The following FADD variants were observed in gnomAD, a reference collection of about 807,000 sequenced individuals.
FADD encodes FAS-associated death domain protein.
A neutral mutation model predicts 5.8 loss-of-function variants in FADD; 3 were observed. The observed-to-expected ratio is 0.52, with a 90% confidence interval of 0.24 to 1.34. The LOEUF (loss-of-function observed/expected upper bound fraction) is 1.34, where lower values mean the gene tolerates loss of function less well. Among genes scored for constraint, FADD ranks in the 40% most tolerant of loss-of-function variants. FADD has a pLI of 0.17. For synonymous variants in FADD, 138 were observed against 130.8 expected (o/e 1.06, Z -0.38); for missense variants, 249 against 286.7 (o/e 0.87, Z 0.95).
Position 70,203,568 on chromosome 11 carries a change from G to A in FADD, c.109G>A (p.Glu37Lys), listed in dbSNP as rs910472466. The change falls in exon 1 of 2, where the codon GAG becomes AAG. Residue 37 changes from glutamate to lysine, a missense_variant. By Grantham distance (56) the Glu-to-Lys change is moderately conservative. Transcript: ENST00000301838. ...CLGRVGKRKL[E>K]RVQSGLDLFS... ...CGGGCGCGTGGGCAAGCGCAAGCTG[G>A]AGCGCGTGCAGAGCGGCCTAGACCT... 1.2e-5 allele frequency: 20 copies of A among 1,612,460 alleles called. No homozygotes were observed. In the Admixed American group the frequency reaches 3.3e-4, roughly 27 times the overall value.
Position 70,203,331 on chromosome 11 carries a change from G to A in FADD, c.-129G>A, listed in dbSNP as rs546440790. ...ATTTCCTGTAGTGAATCAGGCACCG[G>A]AGTGCAGGTTCGGGGGTGGAATCCT... On this transcript the variant is annotated 5_prime_UTR_variant, in exon 1 of 2. Transcript: ENST00000301838. 6.3e-5 allele frequency: 94 copies of A among 1,481,514 alleles called. No homozygotes were observed. The highest frequency in any genetic ancestry group is 6.3e-4 in the Admixed American group (26 of 41,460). 91.8% of individuals were successfully genotyped at this position (1,481,514 alleles called of 1,614,324 possible).
chr11:70,206,952 G>A lies in FADD; in HGVS notation c.*479G>A, dbSNP rs190056190. On this transcript the variant is annotated 3_prime_UTR_variant, in exon 2 of 2. Transcript: ENST00000301838. ...TGCTGCCCCTGCAGTTGGCAGAAAG[G>A]ATGTTTTGTCCCATTTCCTTGGAGG... The A allele has an allele frequency of 1.5e-3, 281 of 192,626 alleles. No homozygotes were observed. The highest frequency in any genetic ancestry group is 2.7e-3 in the Admixed American group (51 of 18,778). 11.9% of individuals were successfully genotyped at this position (192,626 alleles called of 1,614,324 possible).
chr11:70,203,456 C>G lies in FADD; in HGVS notation c.-4C>G, dbSNP rs776761460. Reference sequence around the variant, plus strand: ...CGCAGCCCCGGCCGCTTGCAGACCCCGCCATGGACCCGTTCCTGGTGCTGC... The same window carrying G: ...CGCAGCCCCGGCCGCTTGCAGACCCGGCCATGGACCCGTTCCTGGTGCTGC... On this transcript the variant is annotated 5_prime_UTR_variant, in exon 1 of 2. Transcript: ENST00000301838. The G allele has an allele frequency of 1.3e-6, 2 of 1,570,620 alleles. No homozygotes were observed. Among genetic ancestry groups the G allele is most frequent in the Non-Finnish European group, 1.7e-6 (2 of 1,158,282 alleles).
rs1241152312 is a variant in FADD, at chr11:70,203,481, C to T, written c.22C>T (p.Leu8=). Residue 8 remains leucine, a synonymous_variant, in exon 1 of 2, where the codon CTG becomes TTG. Transcript: ENST00000301838. ...CGCCATGGACCCGTTCCTGGTGCTGCTGCACTCGGTGTCGTCCAGCCTGTC... is the reference window on the plus strand; with the variant it reads ...CGCCATGGACCCGTTCCTGGTGCTGTTGCACTCGGTGTCGTCCAGCCTGTC... MDPFLVL[L]HSVSSSLSSS... is the part of the protein sequence containing the mutation. 14 of 1,592,298 alleles carry T rather than the reference C, an allele frequency of 8.8e-6. No individual in the cohort carries two copies. In the East Asian group the frequency reaches 3.2e-4, roughly 36 times the overall value.
chr11:70,206,152 C>G lies in FADD; in HGVS notation c.306C>G (p.Asn102Lys), dbSNP rs775250989. ...TCCCAGACCTGTGTGCAGCATTTAA[C>G]GTCATATGTGATAATGTGGGGAAAG... The part of the protein sequence containing the change: ...PGEEDLCAAF[N>K]VICDNVGKDW... Residue 102 changes from asparagine to lysine, a missense_variant, in exon 2 of 2, where the codon AAC (asparagine) becomes AAG (lysine). Coordinates refer to ENST00000301838, the MANE Select transcript of FADD (RefSeq NM_003824.4). 1.9e-5 allele frequency: 30 copies of G among 1,613,864 alleles called. No individual in the cohort carries two copies. The highest frequency in any genetic ancestry group is 2.5e-5 in the Non-Finnish European group (29 of 1,179,874).
intron 1 of FADD, 85 bp downstream of exon 1, chr11:70,203,830 G>T (rs936122105): frequency 1.2e-5 from 7 of 601,572 alleles, no homozygotes; most frequent in Non-Finnish European, 1.5e-5. Context: ...GCCTCCAGGC[G>T]CCTCCCCTTT....
rs1482361574 is a variant in FADD, at chr11:70,206,922, C to T, written c.*449C>T. On this transcript the variant is annotated 3_prime_UTR_variant, in exon 2 of 2. Coordinates refer to ENST00000301838, the MANE Select transcript of FADD (RefSeq NM_003824.4). Reference sequence around the variant, plus strand: ...CAGAGCCCATGCTCAACCACTGTGGCGTTCTGCTGCCCCTGCAGTTGGCAG... The same window carrying T: ...CAGAGCCCATGCTCAACCACTGTGGTGTTCTGCTGCCCCTGCAGTTGGCAG... 1 of 208,602 alleles carries T rather than the reference C, an allele frequency of 4.8e-6. No homozygotes were observed. Among genetic ancestry groups the T allele is most frequent in the Non-Finnish European group, 9.9e-6 (1 of 100,640 alleles). The allele number at this position is 208,602 out of a possible 1,614,324, so 12.9% of individuals were successfully genotyped here.
chr11:70,203,764 C>T lies in FADD; in HGVS notation c.286+19C>T, dbSNP rs2049440205. 3 of 1,240,148 alleles carry T rather than the reference C, an allele frequency of 2.4e-6. No individual in the cohort carries two copies. Among genetic ancestry groups the T allele is most frequent in the African/African-American group, 3.2e-5 (2 of 62,820 alleles). 76.8% of individuals were successfully genotyped at this position (1,240,148 alleles called of 1,614,324 possible). A position where few individuals can be genotyped will look rare whatever the true frequency, so the allele number is the denominator to read the frequency against. On this transcript the variant is annotated intron_variant, in intron 1 of 1. Transcript: ENST00000301838. ...GAAGAAGGTGGGCGCGGGGCCGGGCCGGGGGAGCCAGGGCCTGGTCGCCCG... is the reference window on the plus strand; with the variant it reads ...GAAGAAGGTGGGCGCGGGGCCGGGCTGGGGGAGCCAGGGCCTGGTCGCCCG...
Position 70,203,323 on chromosome 11 carries a change from A to C in FADD, c.-137A>C. 1 of 1,446,542 alleles carries C rather than the reference A, an allele frequency of 6.9e-7. No individual in the cohort carries two copies. Among genetic ancestry groups the C allele is most frequent in the Non-Finnish European group, 9.2e-7 (1 of 1,091,106 alleles). The allele number at this position is 1,446,542 out of a possible 1,614,324, so 89.6% of individuals were successfully genotyped here. On this transcript the variant is annotated 5_prime_UTR_variant, in exon 1 of 2. Transcript: ENST00000301838. ...TCTTGTCGATTTCCTGTAGTGAATC[A>C]GGCACCGGAGTGCAGGTTCGGGGGT...
In FADD at chr11:70,206,225, G is replaced by A. The variant is rs376479518; in HGVS notation, c.379G>A (p.Asp127Asn). ...RQLKVSDTKI[D>N]SIEDRYPRNL... ...GCTCAAAGTCTCAGACACCAAGATC[G>A]ACAGCATCGAGGACAGATACCCCCG... Residue 127 changes from aspartate (D) to asparagine (N), a missense_variant, in exon 2 of 2, where the codon GAC (aspartate) becomes AAC (asparagine). Coordinates refer to ENST00000301838, the MANE Select transcript of FADD (RefSeq NM_003824.4). 1.3e-5 allele frequency: 21 copies of A among 1,614,020 alleles called. No homozygotes were observed. The highest frequency in any genetic ancestry group is 1.6e-4 in the Middle Eastern group (1 of 6,084).
At chr11:70,205,655 ATCTCC>A (rs1490098890) in intron 1 of FADD, among the ~76,000 whole-genome samples, 1 of 151,864 alleles carries the variant, frequency 6.6e-6, no homozygotes, top group Non-Finnish European at 1.5e-5. Context: ...ATCCAGGATG[ATCTCC>A]TCTCAAGACC....
chr11:70,204,099 G>T (rs535857274), intron 1 of FADD, among the ~76,000 whole-genome samples: 13 of 152,326 alleles, frequency 8.5e-5, no homozygotes, highest in African/African-American at 3.1e-4. Context: ...TGCTTTTCAC[G>T]GCTGTCTGAG....
At chr11:70,204,971 C>T (rs1565301843) in intron 1 of FADD, among the ~76,000 whole-genome samples, 1 of 152,164 alleles carries the variant, frequency 6.6e-6, no homozygotes, top group Non-Finnish European at 1.5e-5. Context: ...AGAAGTTCAG[C>T]ATAGCGGTTA....
chr11:70,203,570 G>A lies in FADD; in HGVS notation c.111G>A (p.Glu37=), dbSNP rs753468219. ...CLGRVGKRKL[E]RVQSGLDLFS... The stretch of plus-strand genomic sequence containing the variant: ...GGCGCGTGGGCAAGCGCAAGCTGGA[G>A]CGCGTGCAGAGCGGCCTAGACCTCT... The change falls in exon 1 of 2, where the codon GAG becomes GAA. Residue 37 remains glutamate, a synonymous_variant. Coordinates refer to ENST00000301838, the MANE Select transcript of FADD (RefSeq NM_003824.4). 4 of 1,612,506 alleles carry A rather than the reference G, an allele frequency of 2.5e-6. No homozygotes were observed. Among genetic ancestry groups the A allele is most frequent in the Non-Finnish European group, 3.4e-6 (4 of 1,179,696 alleles).
rs2049437822 is a variant in FADD, at chr11:70,203,535, C to G, written c.76C>G (p.Leu26Val). The change falls in exon 1 of 2, where the codon CTA (leucine) becomes GTA (valine). Residue 26 changes from leucine to valine, a missense_variant. Coordinates refer to ENST00000301838, the MANE Select transcript of FADD (RefSeq NM_003824.4). ...SSSELTELKF[L>V]CLGRVGKRKL... is the part of the protein sequence containing the mutation. ...CAGCGAGCTGACCGAGCTCAAGTTC[C>G]TATGCCTCGGGCGCGTGGGCAAGCG... The G allele has an allele frequency of 1.9e-6, 3 of 1,611,912 alleles. No individual in the cohort carries two copies. The highest frequency in any genetic ancestry group is 2.5e-6 in the Non-Finnish European group (3 of 1,179,444).
Position 70,206,601 on chromosome 11 carries a change from T to A in FADD, c.*128T>A. 1.2e-6 allele frequency: 1 copy of A among 837,934 alleles called. No individual in the cohort carries two copies. Among genetic ancestry groups the A allele is most frequent in the Non-Finnish European group, 1.9e-6 (1 of 516,946 alleles). 51.9% of individuals were successfully genotyped at this position (837,934 alleles called of 1,614,324 possible). On this transcript the variant is annotated 3_prime_UTR_variant, in exon 2 of 2. Coordinates refer to ENST00000301838, the MANE Select transcript of FADD (RefSeq NM_003824.4). Reference sequence around the variant, plus strand: ...CAGGCTGAGTGAGCCACAGACCACCTGCTTCTGAACTCAAGCTGCGTTTAT... The same window carrying A: ...CAGGCTGAGTGAGCCACAGACCACCAGCTTCTGAACTCAAGCTGCGTTTAT...
rs1349837892 is a variant in FADD at position 70,206,221 on chromosome 11, G to T, written c.375G>T (p.Lys125Asn). ...GTCAGCTCAAAGTCTCAGACACCAA[G>T]ATCGACAGCATCGAGGACAGATACC... ...LARQLKVSDT[K>N]IDSIEDRYPR... The change falls in exon 2 of 2, where the codon AAG becomes AAT. Residue 125 changes from lysine (K) to asparagine (N), a missense_variant. Transcript: ENST00000301838. The T allele has an allele frequency of 6.2e-7, 1 of 1,614,172 alleles. No homozygotes were observed. The highest frequency in any genetic ancestry group is 1.1e-5 in the South Asian group (1 of 91,070).
At position 70,206,007 on chromosome 11, in the gene FADD, A is replaced by G. The variant is rs41268239; in HGVS notation, c.287-126A>G. On this transcript the variant is annotated intron_variant, in intron 1 of 1. Coordinates refer to ENST00000301838, the MANE Select transcript of FADD (RefSeq NM_003824.4). Reference sequence around the variant, plus strand: ...GCTGCCAGGCGACTCTAGCCTCTACAGAGGACCTCGTGTAGGCACCTCTGT... The same window carrying G: ...GCTGCCAGGCGACTCTAGCCTCTACGGAGGACCTCGTGTAGGCACCTCTGT... The G allele has an allele frequency of 6.1e-6, 5 of 823,944 alleles. No individual in the cohort carries two copies. The East Asian group carries it at 1.3e-4, about 22-fold the overall frequency. 51.0% of individuals were successfully genotyped at this position (823,944 alleles called of 1,614,324 possible).
intron 1 of FADD, among the ~76,000 whole-genome samples, chr11:70,204,369 C>G (rs1362012411): frequency 2.0e-5 from 3 of 152,216 alleles, no homozygotes; most frequent in East Asian, 1.9e-4. Context: ...CACTGCCTCT[C>G]TGGTCAAGTT....
Sources: gnomAD v4.1 joint callset for allele counts (sites outside exome capture counted in the v4.1 genomes callset) on GRCh38, gnomAD v4.1.1 for gene constraint, MANE v1.5 for transcripts, NCBI Gene and HGNC (gene_info 2026-07-23, HGNC 2026-07-21) for gene names.